Variants in TNRC6B observed in about 807,000 individuals in gnomAD.
The protein encoded by TNRC6B is trinucleotide repeat containing adaptor 6B, also known as trinucleotide repeat-containing gene 6B protein.
Under a neutral mutation model 203.6 loss-of-function variants are expected in TNRC6B, and 52 were observed. That is an observed-to-expected ratio of 0.26 (90% CI 0.20 to 0.32). The LOEUF is 0.32. Ranked by LOEUF, TNRC6B falls within the 10% of genes least tolerant of loss-of-function variation. The probability of loss-of-function intolerance (pLI) is 1.00; values close to 1 mark genes in which losing one functional copy is unlikely to be tolerated. For missense variants in TNRC6B, 1,923 were observed against 2,286.2 expected (o/e 0.84, Z 3.24); for synonymous variants, 838 against 845.7 (o/e 0.99, Z 0.16).
At chr22:40,242,700 A>G (rs1022569431) in intron 1 of TNRC6B, among the ~76,000 whole-genome samples, 1 of 150,812 alleles carries the variant, frequency 6.6e-6, no homozygotes, top group Non-Finnish European at 1.5e-5. Flanking sequence ...AAAGTGCTGG[A>G]ATTACAGGCG....
chr22:40,275,195 C>G (rs2070622194), intron 7 of TNRC6B, among the ~76,000 whole-genome samples: 1 of 152,296 alleles, frequency 6.6e-6, no homozygotes, highest in South Asian at 2.1e-4. Context: ...CTATTAAGAG[C>G]TTTTATTTCT....
At chr22:40,088,411 T>G (rs1482350838) in intron 1 of TNRC6B, among the ~76,000 whole-genome samples, 1 of 152,084 alleles carries the variant, frequency 6.6e-6, no homozygotes, top group African/African-American at 2.4e-5. Flanking sequence ...TTGTTTTCTT[T>G]GTTGTTGTTG....
At chr22:40,292,079 A>C (rs1160486391) in intron 12 of TNRC6B, among the ~76,000 whole-genome samples, 1 of 152,218 alleles carries the variant, frequency 6.6e-6, no homozygotes, top group African/African-American at 2.4e-5. Flanking sequence ...CTGTAGTCCC[A>C]GCTGCTCAGG....
intron 6 of TNRC6B, among the ~76,000 whole-genome samples, chr22:40,272,866 A>G (rs944040252): frequency 6.6e-6 from 1 of 152,180 alleles, no homozygotes; most frequent in East Asian, 1.9e-4. Context: ...TTCCATGGCT[A>G]TATGTGAATT....
rs2068462000 is a variant in TNRC6B, at chr22:40,123,452, G to A, written c.-46-2320G>A. Among the ~76,000 whole-genome samples, 6 of 152,318 alleles carry A rather than the reference G, an allele frequency of 3.9e-5. No homozygotes were observed. The South Asian group carries it at 1.2e-3, about 32-fold the overall frequency. On this transcript the variant is annotated intron_variant, in intron 2 of 23. Transcript: ENST00000301923. ...GAGAAGCCAGCAAGTTGAGAGCAGTGCCCTTTCATAGAAGAAACAACCACT... is the reference window on the plus strand; with the variant it reads ...GAGAAGCCAGCAAGTTGAGAGCAGTACCCTTTCATAGAAGAAACAACCACT...
chr22:40,230,049 G>C (rs1431201438), intron 1 of TNRC6B, among the ~76,000 whole-genome samples: 8 of 152,154 alleles, frequency 5.3e-5, no homozygotes, highest in Admixed American at 3.3e-4. Flanking sequence ...GTTTTCCAAA[G>C]TGATTGTACC....
At position 40,086,502 on chromosome 22, in the gene TNRC6B, G is replaced by C. The variant is rs560462646; in HGVS notation, c.-120-30553G>C. 4.6e-5 allele frequency among the ~76,000 whole-genome samples: 7 copies of C among 152,244 alleles called. 1 individual carries two copies. The South Asian group carries it at 1.2e-3, about 27-fold the overall frequency. The stretch of plus-strand genomic sequence containing the variant: ...GTCCTTCCTTTTGGTATGATGATAT[G>C]TTTAGGTTCATCTTATGCATCTTCT... On this transcript the variant is annotated intron_variant, in intron 1 of 23. Coordinates refer to the TNRC6B transcript ENST00000301923.
chr22:40,174,154 CTTCTTT>C (rs1448787789), upstream of TNRC6B, among the ~76,000 whole-genome samples: 1 of 151,206 alleles, frequency 6.6e-6, no homozygotes, highest in Non-Finnish European at 1.5e-5. Context: ...ATCTTGTTTT[CTTCTTT>C]TTCTTTTTCT....
At chr22:40,083,784 C>G (rs146737665) in intron 1 of TNRC6B, among the ~76,000 whole-genome samples, 10 of 152,170 alleles carry the variant, frequency 6.6e-5, no homozygotes, top group Middle Eastern at 6.8e-3. Context: ...GATGCAGATT[C>G]AGGTAGGTTT....
Position 40,323,040 on chromosome 22 carries a change from T to C in TNRC6B, c.5301T>C (p.Gly1767=). 6.2e-7 allele frequency: 1 copy of C among 1,600,968 alleles called. No homozygotes were observed. Among genetic ancestry groups the C allele is most frequent in the Admixed American group, 1.7e-5 (1 of 57,306 alleles). Residue 1767 remains glycine, a synonymous_variant, in exon 23 of 23, where the codon GGT becomes GGC. Transcript: ENST00000454349. ...DPVGPALNLF[G]GSTGLGQWSS... is the part of the protein sequence containing the mutation. ...TGGGACCTGCTCTGAATCTTTTTGG[T>C]GGGTCCACTGGGCTCGGGCAGTGGA...
chr22:40,155,612 A>G (rs182392312), intron 3 of TNRC6B, among the ~76,000 whole-genome samples: 62 of 152,296 alleles, frequency 4.1e-4, no homozygotes, highest in Admixed American at 2.3e-3. Context: ...CAAAGTAGCT[A>G]TACCAGTTTT....
chr22:40,274,790 GTCC>G (rs975100594), intron 7 of TNRC6B, among the ~76,000 whole-genome samples: 1 of 152,182 alleles, frequency 6.6e-6, no homozygotes, highest in South Asian at 2.1e-4. Context: ...CTGTGTGAAA[GTCC>G]TCATCACAGT....
At chr22:40,045,933 A>G (rs1216958685) in intron 1 of TNRC6B, among the ~76,000 whole-genome samples, 2 of 152,232 alleles carry the variant, frequency 1.3e-5, no homozygotes, top group African/African-American at 2.4e-5. Flanking sequence ...TTTTAGCATC[A>G]GTGCTAGAGA....
At chr22:40,213,260 T>C (rs1260464702) in intron 1 of TNRC6B, among the ~76,000 whole-genome samples, 2 of 152,136 alleles carry the variant, frequency 1.3e-5, no homozygotes, top group Non-Finnish European at 2.9e-5. Flanking sequence ...TTTACCATAA[T>C]GGAAAGTCAA....
intron 1 of TNRC6B, among the ~76,000 whole-genome samples, chr22:40,079,755 A>G (rs2068049773): frequency 6.6e-6 from 1 of 151,918 alleles, no homozygotes; most frequent in Non-Finnish European, 1.5e-5. Context: ...AGTAGCTGGA[A>G]TTACAGGCAT....
At chr22:40,152,992 C>T in intron 3 of TNRC6B, among the ~76,000 whole-genome samples, 1 of 151,722 alleles carries the variant, frequency 6.6e-6, no homozygotes, top group Non-Finnish European at 1.5e-5. Context: ...GTCCCAACTA[C>T]TCGGGAGGCT....
chr22:40,059,675 T>C (rs2146270090), intron 1 of TNRC6B, among the ~76,000 whole-genome samples: 1 of 152,306 alleles, frequency 6.6e-6, no homozygotes, highest in Non-Finnish European at 1.5e-5. Context: ...GATTGTTTCA[T>C]TGGATGTGCT....
chr22:40,177,784 A>C (rs887421800), upstream of TNRC6B: 8 of 1,239,800 alleles, frequency 6.5e-6, no homozygotes, highest in Non-Finnish European at 8.2e-6. Context: ...ACAGCATTTC[A>C]CAAATGAAAG....
At chr22:40,141,895 C>G (rs1015089842) in intron 3 of TNRC6B, among the ~76,000 whole-genome samples, 1 of 151,506 alleles carries the variant, frequency 6.6e-6, no homozygotes, top group African/African-American at 2.4e-5. Flanking sequence ...CTGCCTCAGC[C>G]TCCCGAGTAG....
Sources: allele counts gnomAD v4.1 joint callset (sites outside exome capture counted in the v4.1 genomes callset), GRCh38; gene constraint gnomAD v4.1.1; transcripts MANE v1.5; gene names NCBI Gene and HGNC (gene_info 2026-07-23, HGNC 2026-07-21).